Variants in ZMYND8 observed in about 807,000 individuals in gnomAD.
ZMYND8 encodes zinc finger MYND-type containing 8.
ZMYND8 carries 37 observed loss-of-function variants against 140.8 expected under a neutral mutation model. The ratio of observed to expected loss-of-function variants is 0.26; its 90% CI spans 0.20 to 0.35. The LOEUF (loss-of-function observed/expected upper bound fraction) is 0.35. ZMYND8 is among the 10% of genes least tolerant of loss of function. ZMYND8 has a pLI of 1.00. For missense variants in ZMYND8, 1,068 were observed against 1,570.0 expected, an observed-to-expected ratio of 0.68 and a Z score of 5.40; for synonymous variants, 592 against 597.1, an observed-to-expected ratio of 0.99 and a Z score of 0.12.
At chr20:47,350,981 C>T (rs998705402) in intron 1 of ZMYND8, among the ~76,000 whole-genome samples, 3 of 152,168 alleles carry the variant, frequency 2.0e-5, no homozygotes, top group Non-Finnish European at 4.4e-5. Flanking sequence ...CACATTTACC[C>T]AAGTCATTTG....
intron 2 of ZMYND8, among the ~76,000 whole-genome samples, chr20:47,334,698 G>A (rs1015688833): frequency 3.3e-5 from 5 of 151,356 alleles, no homozygotes; most frequent in East Asian, 2.0e-4. Flanking sequence ...CAACCTCCAC[G>A]TCCCACGTTC....
At chr20:47,268,016 C>T (rs999591142) in intron 11 of ZMYND8, among the ~76,000 whole-genome samples, 1 of 152,196 alleles carries the variant, frequency 6.6e-6, no homozygotes, top group African/African-American at 2.4e-5. Flanking sequence ...CCTGAAAGAG[C>T]AGGATCTGCG....
chr20:47,228,349 C>T (rs1038823927), intron 17 of ZMYND8, among the ~76,000 whole-genome samples: 3 of 152,106 alleles, frequency 2.0e-5, no homozygotes, highest in Non-Finnish European at 2.9e-5. Context: ...GATTAATTCA[C>T]GTAGTGTGAA....
intron 14 of ZMYND8, among the ~76,000 whole-genome samples, chr20:47,242,106 T>C (rs1193227172): frequency 6.6e-6 from 1 of 152,320 alleles, no homozygotes; most frequent in South Asian, 2.1e-4. Context: ...CGTGAGCCGC[T>C]GCGCCCGGCC....
chr20:47,296,565 A>C (rs1273363943), intron 4 of ZMYND8, among the ~76,000 whole-genome samples: 2 of 152,166 alleles, frequency 1.3e-5, no homozygotes, highest in African/African-American at 4.8e-5. Flanking sequence ...TCTGGCTCTG[A>C]ATAAACTCTG....
At chr20:47,287,103 G>T in intron 8 of ZMYND8, 126 bp downstream of exon 8, 1 of 750,372 alleles carries the variant, frequency 1.3e-6, no homozygotes, top group Non-Finnish European at 2.4e-6. Flanking sequence ...GAAGAGTAGG[G>T]GTGTGGCCTC....
intron 11 of ZMYND8, among the ~76,000 whole-genome samples, chr20:47,272,362 C>T (rs1283279281): frequency 6.6e-6 from 1 of 152,170 alleles, no homozygotes; most frequent in South Asian, 2.1e-4. Context: ...CAGACGTGAA[C>T]CACCGCACCC....
chr20:47,230,957 G>C (rs2038397685), intron 16 of ZMYND8, among the ~76,000 whole-genome samples: 1 of 152,162 alleles, frequency 6.6e-6, no homozygotes, highest in Non-Finnish European at 1.5e-5. Flanking sequence ...AAGGTCCTCT[G>C]TGACTCGCGC....
chr20:47,310,041 C>CA lies in ZMYND8; in HGVS notation c.234+14dup. ...GTCCCACCAGTGAGGACACCGTTCC[C>CA]AGCGGCTGCTTTACCTGCTCCTTAT... On this transcript the variant is annotated intron_variant, in intron 3 of 22. Transcript: ENST00000471951. 6.2e-7 allele frequency: 1 copy of CA among 1,614,152 alleles called. No individual in the cohort carries two copies. The highest frequency in any genetic ancestry group is 8.5e-7 in the Non-Finnish European group (1 of 1,180,012).
At chr20:47,260,724 T>TTGGTGTGAACTGCCTCTCA (rs1239045408) in intron 12 of ZMYND8, among the ~76,000 whole-genome samples, 2 of 152,212 alleles carry the variant, frequency 1.3e-5, no homozygotes, top group Admixed American at 6.5e-5. Context: ...GTGAACTATC[T>TTGGTGTGAACTGCCTCTCA]TGGTGTGAAC....
At chr20:47,355,546 A>T in intron 1 of ZMYND8, 1 of 971,246 alleles carries the variant, frequency 1.0e-6, no homozygotes, top group Non-Finnish European at 1.2e-6. Flanking sequence ...AATTTTTTTA[A>T]ACAGTTACAT....
rs2040545797 is a variant in ZMYND8 at position 47,246,222 on chromosome 20, C to A, written c.2070G>T (p.Glu690Asp). The A allele has an allele frequency of 6.2e-7, 1 of 1,614,050 alleles. No individual in the cohort carries two copies. Among genetic ancestry groups the A allele is most frequent in the Admixed American group, 1.7e-5 (1 of 59,992 alleles). ...CCTTTTCGGAAAAGTCCTTCTCAGGCTCAGGGCTGGCCTTGTCCTTGACTG... is the reference window on the plus strand; with the variant it reads ...CCTTTTCGGAAAAGTCCTTCTCAGGATCAGGGCTGGCCTTGTCCTTGACTG... ...PGAVKDKASP[E>D]PEKDFSEKAK... Residue 690 changes from glutamate (E) to aspartate (D), a missense_variant, in exon 14 of 23, where the codon GAG becomes GAT. Around this residue, in one of 10 missense-constraint regions of ZMYND8, gnomAD observed 383 missense variants for 431.2 expected, o/e 0.89. Coordinates refer to ENST00000471951, the MANE Select transcript of ZMYND8 (RefSeq NM_001281775.3).
intron 1 of ZMYND8, chr20:47,349,887 C>T: frequency 6.5e-7 from 1 of 1,535,560 alleles, no homozygotes. Flanking sequence ...GCGATGAAAA[C>T]ATTCAAAGGT....
chr20:47,237,511 T>A (rs953897765), intron 15 of ZMYND8: 1 of 152,152 alleles, frequency 6.6e-6, no homozygotes, highest in Admixed American at 6.5e-5. Context: ...TTATGAGATA[T>A]GAAGACAGAA....
chr20:47,257,289 A>G (rs559184039), intron 12 of ZMYND8, among the ~76,000 whole-genome samples: 2 of 152,172 alleles, frequency 1.3e-5, no homozygotes, highest in African/African-American at 4.8e-5. Context: ...CCATATACTC[A>G]TATACCACAT....
intron 12 of ZMYND8, among the ~76,000 whole-genome samples, chr20:47,254,678 A>G (rs921694243): frequency 6.7e-6 from 1 of 149,224 alleles, no homozygotes; most frequent in African/African-American, 2.4e-5. Context: ...GGGTTTCTCA[A>G]CAGTGGCACT....
At chr20:47,293,168 GAGGGAGGGAGGGAGGGAGGCAGGC>G (rs1171316894) in intron 5 of ZMYND8, among the ~76,000 whole-genome samples, 6 of 26,396 alleles carry the variant, frequency 2.3e-4, no homozygotes, top group South Asian at 1.4e-3. Context: ...GGGAGGGAGG[GAGGGAGGGAGGGAGGGAGGCAGGC>G]AGGCAGGCAG....
At chr20:47,355,608 A>G in intron 1 of ZMYND8, 1 of 562,456 alleles carries the variant, frequency 1.8e-6, no homozygotes, top group Non-Finnish European at 2.3e-6. Flanking sequence ...ACAACTGAAT[A>G]TGGAATGCTG....
Position 47,210,744 on chromosome 20 carries a change from T to G in ZMYND8, c.*17A>C. 6.2e-7 allele frequency: 1 copy of G among 1,614,124 alleles called. No individual in the cohort carries two copies. Among genetic ancestry groups the G allele is most frequent in the East Asian group, 2.2e-5 (1 of 44,868 alleles). On this transcript the variant is annotated 3_prime_UTR_variant, in exon 23 of 23. Transcript: ENST00000471951. Reference sequence around the variant, plus strand: ...TTTTCTCCCAATGGGGTGGGTGGTTTGTGTCCCGATTCACTGCTAGTCCCA... The same window carrying G: ...TTTTCTCCCAATGGGGTGGGTGGTTGGTGTCCCGATTCACTGCTAGTCCCA...
Sources: allele counts gnomAD v4.1 joint callset (sites outside exome capture counted in the v4.1 genomes callset), GRCh38; gene constraint gnomAD v4.1.1; regional missense constraint gnomAD v4.1.1; transcripts MANE v1.5; gene names NCBI Gene and HGNC (gene_info 2026-07-23, HGNC 2026-07-21).